Variants in PDS5B observed in about 807,000 individuals in gnomAD.
PDS5B encodes the protein sister chromatid cohesion protein PDS5 homolog B.
In PDS5B, 51 loss-of-function variants were observed where a neutral mutation model predicts 184.1. That is an observed-to-expected ratio of 0.28 (90% CI 0.22 to 0.35). The LOEUF (loss-of-function observed/expected upper bound fraction) is 0.35. PDS5B is among the 10% of genes least tolerant of loss of function. The pLI, the probability that PDS5B is intolerant of heterozygous loss-of-function variation, is 1.00. For synonymous variants in PDS5B, 566 were observed against 569.2 expected, an observed-to-expected ratio of 0.99 and a Z score of 0.08; for missense variants, 1,180 against 1,723.3, an observed-to-expected ratio of 0.68 and a Z score of 5.58.
rs371640955 is a variant in PDS5B at position 32,773,324 on chromosome 13, T to C, written c.4308T>C (p.Asn1436=). The C allele has an allele frequency of 5.8e-5, 93 of 1,608,334 alleles. No homozygotes were observed. The highest frequency in any genetic ancestry group is 3.3e-4 in the Middle Eastern group (2 of 6,008). ...AGGAGGAGGAAGTTTCTACAGTAAA[T>C]GTATGTGTTCAAAGTTTCTGTGAGT... ...ETEEEEVSTV[N]VRRRSAKRER... The change falls in exon 34 of 35, where the codon AAT becomes AAC. Residue 1436 remains asparagine (N), a splice_region_variant and synonymous_variant. Transcript: ENST00000315596.
At chr13:32,664,301 T>G (rs1043963138) in intron 6 of PDS5B, among the ~76,000 whole-genome samples, 1 of 151,778 alleles carries the variant, frequency 6.6e-6, no homozygotes, top group South Asian at 2.1e-4. Context: ...ATAGAAAATA[T>G]AAGAACATTC....
chr13:32,682,432 C>T (rs1013200899), intron 10 of PDS5B, among the ~76,000 whole-genome samples: 3 of 152,138 alleles, frequency 2.0e-5, no homozygotes. Context: ...TGGCTGCTTT[C>T]ACATAACATG....
chr13:32,742,325 ATGTT>A (rs1161027410), intron 22 of PDS5B, among the ~76,000 whole-genome samples: 2 of 152,188 alleles, frequency 1.3e-5, no homozygotes, highest in Non-Finnish European at 2.9e-5. Context: ...ATTTTACTGT[ATGTT>A]CTACAGGATC....
chr13:32,702,845 T>C (rs555873923), intron 17 of PDS5B, among the ~76,000 whole-genome samples: 1 of 152,258 alleles, frequency 6.6e-6, no homozygotes, highest in South Asian at 2.1e-4. Context: ...TTGAGAACTA[T>C]GGATGATTGA....
intron 1 of PDS5B, among the ~76,000 whole-genome samples, chr13:32,597,047 T>C (rs2057886386): frequency 6.6e-6 from 1 of 151,852 alleles, no homozygotes. Context: ...TTTTATTTTT[T>C]ATTTTTTTGA....
At chr13:32,670,629 C>T (rs1950912278) in intron 7 of PDS5B, among the ~76,000 whole-genome samples, 1 of 152,018 alleles carries the variant, frequency 6.6e-6, no homozygotes, top group African/African-American at 2.4e-5. Context: ...ATATCAAGAA[C>T]AAAAAGTACA....
chr13:32,607,118 T>G (rs936533056), intron 1 of PDS5B, among the ~76,000 whole-genome samples: 1 of 152,244 alleles, frequency 6.6e-6, no homozygotes, highest in East Asian at 1.9e-4. Flanking sequence ...CTGTGTTCCT[T>G]TGGAGGAGAA....
chr13:32,642,078 C>T (rs1412410857), intron 1 of PDS5B, among the ~76,000 whole-genome samples: 13 of 152,148 alleles, frequency 8.5e-5, no homozygotes, highest in Admixed American at 7.2e-4. Context: ...TATAATCATT[C>T]GTAAGTCGTT....
intron 1 of PDS5B, among the ~76,000 whole-genome samples, chr13:32,614,496 C>T (rs938249881): frequency 2.0e-5 from 3 of 152,158 alleles, no homozygotes; most frequent in Middle Eastern, 3.4e-3. Flanking sequence ...AGGGGTTTCA[C>T]CATGTTGACC....
intron 6 of PDS5B, among the ~76,000 whole-genome samples, chr13:32,665,588 CAAAAAAAAAAAAA>C (rs34604938): frequency 1.5e-4 from 4 of 25,882 alleles, no homozygotes; most frequent in South Asian, 4.3e-3. Context: ...GACTCCGACT[CAAAAAAAAAAAAA>C]AAAAAAAAAA....
chr13:32,696,451 A>G (rs1260976460), intron 14 of PDS5B, among the ~76,000 whole-genome samples: 1 of 151,910 alleles, frequency 6.6e-6, no homozygotes, highest in Non-Finnish European at 1.5e-5. Flanking sequence ...TCACATCTTA[A>G]TTGTCTTTCT....
At chr13:32,720,688 G>C (rs977288685) in intron 19 of PDS5B, among the ~76,000 whole-genome samples, 4 of 150,970 alleles carry the variant, frequency 2.6e-5, no homozygotes, top group African/African-American at 4.9e-5. Flanking sequence ...GTGTTTCTTG[G>C]AGAGGGGGAT....
intron 3 of PDS5B, among the ~76,000 whole-genome samples, chr13:32,652,849 A>G (rs1048350593): frequency 1.3e-5 from 2 of 152,184 alleles, no homozygotes; most frequent in Non-Finnish European, 2.9e-5. Context: ...AAGTAAAACT[A>G]TATAAATGCA....
At chr13:32,764,309 ATATT>A (rs1566425103) in intron 30 of PDS5B, among the ~76,000 whole-genome samples, 176 bp from the exon 31 acceptor site, 9 of 152,178 alleles carry the variant, frequency 5.9e-5, no homozygotes, top group Non-Finnish European at 1.0e-4. Context: ...TTTTCTCACT[ATATT>A]AAATTAAATG....
At chr13:32,770,915 G>A (rs2141039823) in intron 33 of PDS5B, 154 bp downstream of exon 33, 1 of 626,274 alleles carries the variant, frequency 1.6e-6, no homozygotes, top group East Asian at 2.7e-5. Flanking sequence ...CTTAGTGATT[G>A]ATATCTCAAT....
chr13:32,728,022 T>C (rs1171113574), intron 19 of PDS5B, among the ~76,000 whole-genome samples: 1 of 151,994 alleles, frequency 6.6e-6, no homozygotes, highest in Non-Finnish European at 1.5e-5. Context: ...TTTCTATTGC[T>C]GTGTCTTCAA....
chr13:32,685,475 G>T (rs894591640), intron 11 of PDS5B, among the ~76,000 whole-genome samples: 2 of 152,080 alleles, frequency 1.3e-5, no homozygotes, highest in Non-Finnish European at 2.9e-5. Context: ...ATATTGTATG[G>T]TTGCTTGGTT....
chr13:32,759,680 C>T lies in PDS5B; in HGVS notation c.3362C>T (p.Thr1121Ile). 1 of 1,550,904 alleles carries T rather than the reference C, an allele frequency of 6.4e-7. No homozygotes were observed. The highest frequency in any genetic ancestry group is 8.8e-7 in the Non-Finnish European group (1 of 1,132,538). ...YLPPEMKSFFTPGKPKTTNVL... is the reference protein window; with the variant it reads ...YLPPEMKSFFIPGKPKTTNVL... ...CCTCCTGAAATGAAATCATTTTTCA[C>T]TCCTGGAAAAGTATGTTTTGAGAAT... Residue 1121 changes from threonine (T) to isoleucine (I), a missense_variant, in exon 29 of 35, where the codon ACT becomes ATT. Coordinates refer to ENST00000315596, the MANE Select transcript of PDS5B (RefSeq NM_015032.4).
In PDS5B at chr13:32,648,798, A is replaced by G. The variant is rs781562934; in HGVS notation, c.26A>G (p.Asn9Ser). Residue 9 changes from asparagine (N) to serine (S), a missense_variant, in exon 2 of 35, where the codon AAT (asparagine) becomes AGT (serine). By Grantham distance (46) the Asn-to-Ser change is conservative. Coordinates refer to ENST00000315596, the MANE Select transcript of PDS5B (RefSeq NM_015032.4). MAHSKTRT[N>S]DGKITYPPGV... ...ATGGCTCATTCAAAGACTAGGACCA[A>G]TGATGGAAAAATTACATATCCGCCT... The G allele has an allele frequency of 1.2e-5, 19 of 1,543,014 alleles. No individual in the cohort carries two copies. Among genetic ancestry groups the G allele is most frequent in the Middle Eastern group, 1.7e-4 (1 of 5,922 alleles).
Sources: allele counts gnomAD v4.1 joint callset (sites outside exome capture counted in the v4.1 genomes callset), GRCh38; gene constraint gnomAD v4.1.1; transcripts MANE v1.5; gene names NCBI Gene and HGNC (gene_info 2026-07-23, HGNC 2026-07-21).